The following CD53 variants were observed in gnomAD, a reference collection of about 807,000 sequenced individuals.
The protein encoded by CD53 is CD53 molecule.
CD53 carries 20 observed loss-of-function variants against 27.3 expected under a neutral mutation model. The observed-to-expected ratio is 0.73, with a 90% CI of 0.52 to 1.07. The LOEUF is 1.07. Ranked by LOEUF, CD53 falls within the 50% of genes least tolerant of loss-of-function variation. The probability of loss-of-function intolerance (pLI) is 0.00; values close to 1 mark genes in which losing one functional copy is unlikely to be tolerated. For missense variants in CD53, 216 were observed against 264.0 expected, an observed-to-expected ratio of 0.82 and a Z score of 1.26; for synonymous variants, 106 against 105.3, an observed-to-expected ratio of 1.01 and a Z score of -0.04.
intron 1 of CD53, among the ~76,000 whole-genome samples, chr1:110,875,211 G>A (rs546942686): frequency 6.6e-6 from 1 of 152,300 alleles, no homozygotes; most frequent in African/African-American, 2.4e-5. Flanking sequence ...TTAGAAATGA[G>A]AGAAAGCAAG....
At chr1:110,875,081 A>T (rs1656071198) in intron 1 of CD53, among the ~76,000 whole-genome samples, 1 of 152,186 alleles carries the variant, frequency 6.6e-6, no homozygotes, top group African/African-American at 2.4e-5. Flanking sequence ...GTGTGCCAAA[A>T]ACTGCCTAGA....
chr1:110,899,012 G>A (rs1048485649), intron 7 of CD53, 112 bp from the exon 8 acceptor site: 6 of 718,854 alleles, frequency 8.3e-6, no homozygotes, highest in Non-Finnish European at 1.4e-5. Context: ...ATGGTTGGAA[G>A]GGTGGTTTCA....
At chr1:110,879,154 C>T (rs1019219686) in intron 1 of CD53, among the ~76,000 whole-genome samples, 1 of 152,092 alleles carries the variant, frequency 6.6e-6, no homozygotes, top group Middle Eastern at 3.2e-3. Flanking sequence ...AAGGGTTACC[C>T]TTAGGAATGG....
rs181935706 is a variant in CD53 at position 110,874,075 on chromosome 1, C to T, written c.-18+827C>T. ...CTTCGGTCCTGACTCTCTGTGACCA[C>T]CATCGGAAACTCTATGTAAGAGCTT... On this transcript the variant is annotated intron_variant, in intron 1 of 7. Coordinates refer to ENST00000271324, the MANE Select transcript of CD53 (RefSeq NM_000560.4). 2.2e-3 allele frequency among the ~76,000 whole-genome samples: 328 copies of T among 152,304 alleles called. 1 individual carries two copies. Among genetic ancestry groups the T allele is most frequent in the Non-Finnish European group, 1.9e-3 (131 of 68,022 alleles).
chr1:110,890,357 A>C (rs2101057453), intron 1 of CD53, among the ~76,000 whole-genome samples: 1 of 152,320 alleles, frequency 6.6e-6, no homozygotes, highest in East Asian at 1.9e-4. Context: ...ACCTGAGGTC[A>C]GAAGTTTGAG....
At chr1:110,889,399 A>C (rs556948957) in intron 1 of CD53, among the ~76,000 whole-genome samples, 2 of 152,114 alleles carry the variant, frequency 1.3e-5, no homozygotes, top group South Asian at 4.2e-4. Context: ...TACTAAAAAA[A>C]AATACAAAAA....
intron 1 of CD53, among the ~76,000 whole-genome samples, chr1:110,886,942 C>T (rs1333130941): frequency 6.8e-6 from 1 of 146,530 alleles, no homozygotes; most frequent in Non-Finnish European, 1.5e-5. Flanking sequence ...TTTTTTTCTT[C>T]AGCAATATCT....
At chr1:110,891,606 A>G (rs1026932690) in intron 2 of CD53, 135 bp downstream of exon 2, 55 of 689,518 alleles carry the variant, frequency 8.0e-5, no homozygotes, top group Admixed American at 3.2e-4. Context: ...CATCCTAGAA[A>G]CAAAAGAGTA....
At chr1:110,885,000 T>C (rs1656515109) in intron 1 of CD53, among the ~76,000 whole-genome samples, 1 of 152,170 alleles carries the variant, frequency 6.6e-6, no homozygotes, top group South Asian at 2.1e-4. Flanking sequence ...GTCTCATTTT[T>C]CTACTTGTTC....
intron 1 of CD53, among the ~76,000 whole-genome samples, chr1:110,875,422 T>G (rs1056550287): frequency 6.6e-6 from 1 of 152,148 alleles, no homozygotes; most frequent in African/African-American, 2.4e-5. Context: ...GAGGCAGGTT[T>G]TTGCCTCCTC....
rs560049475 is a variant in CD53, at chr1:110,885,826, T to G, written c.-17-5566T>G. Among the ~76,000 whole-genome samples, 18 of 152,188 alleles carry G rather than the reference T, an allele frequency of 1.2e-4. No homozygotes were observed. The East Asian group carries it at 3.5e-3, about 29-fold the overall frequency. On this transcript the variant is annotated intron_variant, in intron 1 of 7. Transcript: ENST00000271324. The stretch of plus-strand genomic sequence containing the variant: ...TTGCAGTGAGCCGAGATCACACCAC[T>G]GCACTCCAGCCTGGGTCACAGAGCA...
chr1:110,885,606 T>C (rs1656552712), intron 1 of CD53, among the ~76,000 whole-genome samples: 1 of 151,944 alleles, frequency 6.6e-6, no homozygotes, highest in Non-Finnish European at 1.5e-5. Context: ...CTCAAGCCTG[T>C]AATCCCAACA....
intron 7 of CD53, 99 bp from the exon 8 acceptor site, chr1:110,899,025 G>A (rs1358067820): frequency 1.2e-6 from 1 of 841,384 alleles, no homozygotes; most frequent in African/African-American, 1.7e-5. Context: ...TGGTTTCAGT[G>A]TAATGGATAC....
At chr1:110,896,811 G>A (rs749872679) in intron 6 of CD53, 78 bp downstream of exon 6, 11 of 1,229,622 alleles carry the variant, frequency 8.9e-6, no homozygotes, top group African/African-American at 1.5e-5. Flanking sequence ...CAGTCATAGA[G>A]GACCTAGACC....
At chr1:110,878,940 T>A (rs1181050436) in intron 1 of CD53, among the ~76,000 whole-genome samples, 1 of 152,226 alleles carries the variant, frequency 6.6e-6, no homozygotes, top group Non-Finnish European at 1.5e-5. Context: ...ATTTATCTTT[T>A]ATTACTGAAA....
chr1:110,879,227 A>G (rs1656252771), intron 1 of CD53, among the ~76,000 whole-genome samples: 1 of 152,190 alleles, frequency 6.6e-6, no homozygotes, highest in Non-Finnish European at 1.5e-5. Context: ...GCAGATACAC[A>G]GGGACTGAGC....
rs1274371826 is a variant in CD53, at chr1:110,886,867, ATATT to A, written c.-17-4523_-17-4520del. 5.4e-3 allele frequency among the ~76,000 whole-genome samples: 224 copies of A among 41,362 alleles called. 2 individuals carry two copies. The highest frequency in any genetic ancestry group is 0.02 in the African/African-American group (211 of 10,524). The allele number at this position is 41,362 out of a possible 152,430, so 27.1% of individuals were successfully genotyped here. A position where few individuals can be genotyped will look rare whatever the true frequency, so the allele number is the denominator to read the frequency against. ...CTCCAATATATATATATATATATAT[ATATT>A]TTTTTTTTCTGTCTGTGTTTCTTTG... On this transcript the variant is annotated intron_variant, in intron 1 of 7. Coordinates refer to ENST00000271324, the MANE Select transcript of CD53 (RefSeq NM_000560.4).
chr1:110,891,352 C>T, intron 1 of CD53, 40 bp from the exon 2 acceptor site: 2 of 1,343,522 alleles, frequency 1.5e-6, no homozygotes, highest in Non-Finnish European at 2.1e-6. Context: ...GGCTACCTTA[C>T]AGAGTGAGGT....
intron 1 of CD53, among the ~76,000 whole-genome samples, chr1:110,891,185 C>A (rs116474457): frequency 2.0e-5 from 3 of 152,266 alleles, no homozygotes; most frequent in African/African-American, 7.2e-5. Context: ...GTTGGCTTGC[C>A]GAATTGGGCA....
Sources: allele counts gnomAD v4.1 joint callset (sites outside exome capture counted in the v4.1 genomes callset), GRCh38; gene constraint gnomAD v4.1.1; transcripts MANE v1.5; gene names NCBI Gene and HGNC (gene_info 2026-07-23, HGNC 2026-07-21).